OR4K17: variants seen among roughly 807,000 people sequenced by gnomAD.
OR4K17 encodes the protein olfactory receptor 4K17.
For missense variants in OR4K17, 480 were observed against 366.3 expected (o/e 1.31, Z -2.53); for synonymous variants, 157 against 132.8 (o/e 1.18, Z -1.25).
At position 20,119,751 on chromosome 14, in the gene OR4K17, T is replaced by C. The variant is rs1270021025; in HGVS notation, c.*1313T>C. The C allele has an allele frequency of 1.3e-5, 2 of 152,144 alleles. No individual in the cohort carries two copies. Among genetic ancestry groups the C allele is most frequent in the Non-Finnish European group, 2.9e-5 (2 of 68,062 alleles). 9.4% of individuals were successfully genotyped at this position (152,144 alleles called of 1,614,324 possible). A position where few individuals can be genotyped will look rare whatever the true frequency, so the allele number is the denominator to read the frequency against. On this transcript the variant is annotated 3_prime_UTR_variant, in exon 2 of 2. Coordinates refer to ENST00000641386, the MANE Select transcript of OR4K17 (RefSeq NM_001004715.5). ...TATTCAGGAGGCTGAGGCAGGAGAA[T>C]TGCTTGAACCCAGGAGGCAGAGGCT...
intron 1 of OR4K17, among the ~76,000 whole-genome samples, chr14:20,113,236 G>A (rs1877918987): frequency 6.6e-6 from 1 of 152,046 alleles, no homozygotes. Flanking sequence ...CAATGTCTAA[G>A]TGTGATAATA....
Position 20,110,832 on chromosome 14 carries a change from G to C in OR4K17, c.-93G>C, listed in dbSNP as rs559333847. Reference sequence around the variant, plus strand: ...CTTCTATGGAACTATAAGTTGAGAAGGTGCATGCCCTTCTCGATATTGTCC... The same window carrying C: ...CTTCTATGGAACTATAAGTTGAGAACGTGCATGCCCTTCTCGATATTGTCC... On this transcript the variant is annotated 5_prime_UTR_variant, in exon 1 of 2. Transcript: ENST00000641386. The C allele has an allele frequency of 2.6e-5, 4 of 151,948 alleles. No individual in the cohort carries two copies. The highest frequency in any genetic ancestry group is 5.9e-5 in the Non-Finnish European group (4 of 67,952). 9.4% of individuals were successfully genotyped at this position (151,948 alleles called of 1,614,324 possible).
At position 20,118,964 on chromosome 14, in the gene OR4K17, G is replaced by A. The variant is rs777979131; in HGVS notation, c.*526G>A. On this transcript the variant is annotated 3_prime_UTR_variant, in exon 2 of 2. Coordinates refer to ENST00000641386, the MANE Select transcript of OR4K17 (RefSeq NM_001004715.5). The stretch of plus-strand genomic sequence containing the variant: ...ATTTCCTCACCCTAATAGGCCTGGG[G>A]ACACTACAGGAGACTGGGGCTTATT... 1 of 154,272 alleles carries A rather than the reference G, an allele frequency of 6.5e-6. No individual in the cohort carries two copies. The highest frequency in any genetic ancestry group is 2.0e-4 in the South Asian group (1 of 4,934). 9.6% of individuals were successfully genotyped at this position (154,272 alleles called of 1,614,324 possible).
At chr14:20,114,142 C>T (rs955442527) in intron 1 of OR4K17, among the ~76,000 whole-genome samples, 2 of 151,788 alleles carry the variant, frequency 1.3e-5, no homozygotes, top group South Asian at 2.1e-4. Flanking sequence ...TATTGGTACT[C>T]TCAGGTTAGA....
rs1273297275 is a variant in OR4K17 at position 20,118,787 on chromosome 14, G to A, written c.*349G>A. On this transcript the variant is annotated 3_prime_UTR_variant, in exon 2 of 2. Transcript: ENST00000641386. ...GGCAATAAAATATCACAAGGCAAAT[G>A]GGGACAGAGCAAGATCACAGGACCA... The A allele has an allele frequency of 5.6e-6, 1 of 179,734 alleles. No homozygotes were observed. The highest frequency in any genetic ancestry group is 1.2e-5 in the Non-Finnish European group (1 of 85,750). 11.1% of individuals were successfully genotyped at this position (179,734 alleles called of 1,614,324 possible). A position where few individuals can be genotyped will look rare whatever the true frequency, so the allele number is the denominator to read the frequency against.
At chr14:20,113,641 A>G (rs1433869552) in intron 1 of OR4K17, among the ~76,000 whole-genome samples, 2 of 152,042 alleles carry the variant, frequency 1.3e-5, no homozygotes, top group African/African-American at 4.8e-5. Flanking sequence ...AAAAGTAATG[A>G]CCAGTGGACT....
At chr14:20,113,656 TG>T (rs1877927798) in intron 1 of OR4K17, among the ~76,000 whole-genome samples, 1 of 152,018 alleles carries the variant, frequency 6.6e-6, no homozygotes, top group South Asian at 2.1e-4. Context: ...TGGACTATAA[TG>T]GTACAGAAAA....
In OR4K17 at chr14:20,120,491, G is replaced by A. The variant is rs550734217; in HGVS notation, c.*2053G>A. The A allele has an allele frequency of 6.6e-6, 1 of 152,288 alleles. No homozygotes were observed. Among genetic ancestry groups the A allele is most frequent in the South Asian group, 2.1e-4 (1 of 4,828 alleles). The allele number at this position is 152,288 out of a possible 1,614,324, so 9.4% of individuals were successfully genotyped here. On this transcript the variant is annotated 3_prime_UTR_variant, in exon 2 of 2. Transcript: ENST00000641386. ...GAACTCTAGTCCTAGAACCAAGATGGTTTTCTTGTGTGACTGTGTGCTGAG... is the reference window on the plus strand; with the variant it reads ...GAACTCTAGTCCTAGAACCAAGATGATTTTCTTGTGTGACTGTGTGCTGAG...
At chr14:20,112,468 G>A (rs187201240) in intron 1 of OR4K17, among the ~76,000 whole-genome samples, 82 of 152,222 alleles carry the variant, frequency 5.4e-4, no homozygotes, top group Non-Finnish European at 4.9e-4. Context: ...TGGAGTCAGT[G>A]TTCCATCCCT....
At position 20,119,109 on chromosome 14, in the gene OR4K17, G is replaced by A. The variant is rs201411797; in HGVS notation, c.*671G>A. 2.6e-5 allele frequency: 4 copies of A among 152,172 alleles called. No individual in the cohort carries two copies. Among genetic ancestry groups the A allele is most frequent in the South Asian group, 2.1e-4 (1 of 4,822 alleles). The allele number at this position is 152,172 out of a possible 1,614,324, so 9.4% of individuals were successfully genotyped here. On this transcript the variant is annotated 3_prime_UTR_variant, in exon 2 of 2. Transcript: ENST00000641386. ...TCCTTGCTGAGAAAAAGAATTCAGCGATATTTCTCCTATTCACTTTTGTAA... is the reference window on the plus strand; with the variant it reads ...TCCTTGCTGAGAAAAAGAATTCAGCAATATTTCTCCTATTCACTTTTGTAA...
chr14:20,117,434 C>T (rs759186612), intron 1 of OR4K17, 34 bp from the exon 2 acceptor site: 2 of 1,605,294 alleles, frequency 1.2e-6, no homozygotes, highest in South Asian at 2.2e-5. Context: ...ACTCATACTC[C>T]ATGGTATGAG....
At position 20,117,890 on chromosome 14, in the gene OR4K17, C is replaced by T; in HGVS notation, c.391C>T (p.His131Tyr). The T allele has an allele frequency of 6.2e-7, 1 of 1,614,060 alleles. No individual in the cohort carries two copies. The highest frequency in any genetic ancestry group is 8.5e-7 in the Non-Finnish European group (1 of 1,180,002). ...DRYVAICKPL[H>Y]YMTIMNKKVC... ...ATATGTGGCCATTTGTAAGCCCCTA[C>T]ACTACATGACCATCATGAACAAGAA... Residue 131 changes from histidine to tyrosine, a missense_variant, in exon 2 of 2, where the codon CAC becomes TAC. Physicochemically the swap from His to Tyr is moderately conservative, Grantham distance 83 (BLOSUM62 2). Coordinates refer to ENST00000641386, the MANE Select transcript of OR4K17 (RefSeq NM_001004715.5).
rs1251229790 is a variant in OR4K17, at chr14:20,110,796, G to A, written c.-129G>A. The A allele has an allele frequency of 6.6e-6, 1 of 151,978 alleles. No individual in the cohort carries two copies. The highest frequency in any genetic ancestry group is 1.5e-5 in the Non-Finnish European group (1 of 67,950). The allele number at this position is 151,978 out of a possible 1,614,324, so 9.4% of individuals were successfully genotyped here. A position where few individuals can be genotyped will look rare whatever the true frequency, so the allele number is the denominator to read the frequency against. Reference sequence around the variant, plus strand: ...CCCTGATTGGAGTCTAGATACTTTAGTGACTTGTTTCTTCTATGGAACTAT... The same window carrying A: ...CCCTGATTGGAGTCTAGATACTTTAATGACTTGTTTCTTCTATGGAACTAT... On this transcript the variant is annotated 5_prime_UTR_variant, in exon 1 of 2. In the 5' UTR this introduces an upstream ATG that the reference lacks. Transcript: ENST00000641386.
chr14:20,114,033 G>A lies in OR4K17; in HGVS notation c.-33+3141G>A, dbSNP rs367653105. On this transcript the variant is annotated intron_variant, in intron 1 of 1. Coordinates refer to ENST00000641386, the MANE Select transcript of OR4K17 (RefSeq NM_001004715.5). ...AAATGTGCAGAGTTGATGCAGCTTG[G>A]TTGGAGAACATAGCTCTGTCTCTGT... Among the ~76,000 whole-genome samples the A allele has an allele frequency of 3.9e-5, 6 of 151,928 alleles. No individual in the cohort carries two copies. The South Asian group carries it at 1.2e-3, about 31-fold the overall frequency.
Position 20,117,763 on chromosome 14 carries a change from G to A in OR4K17, c.264G>A (p.Lys88=). ...AGGTGATTCTGAACTTGTTAAAAAAGCAGAAGGTAATTTCTTTTGCTGGGT... is the reference window on the plus strand; with the variant it reads ...AGGTGATTCTGAACTTGTTAAAAAAACAGAAGGTAATTTCTTTTGCTGGGT... ...TPKVILNLLK[K]QKVISFAGCF... is the part of the protein sequence containing the mutation. The change falls in exon 2 of 2, where the codon AAG becomes AAA. Residue 88 remains lysine, a synonymous_variant. Coordinates refer to ENST00000641386, the MANE Select transcript of OR4K17 (RefSeq NM_001004715.5). The A allele has an allele frequency of 2.5e-6, 4 of 1,614,050 alleles. No homozygotes were observed. Among genetic ancestry groups the A allele is most frequent in the Non-Finnish European group, 2.5e-6 (3 of 1,179,990 alleles).
At position 20,121,073 on chromosome 14, in the gene OR4K17, C is replaced by T. The variant is rs1878155835; in HGVS notation, c.*2635C>T. Reference sequence around the variant, plus strand: ...GCAGTTGTGTTTTACTCAACCAATCCCCTCACACCTCCATACAGGGGAAGT... The same window carrying T: ...GCAGTTGTGTTTTACTCAACCAATCTCCTCACACCTCCATACAGGGGAAGT... On this transcript the variant is annotated 3_prime_UTR_variant, in exon 2 of 2. Transcript: ENST00000641386. 6.6e-6 allele frequency: 1 copy of T among 152,142 alleles called. No homozygotes were observed. The highest frequency in any genetic ancestry group is 1.5e-5 in the Non-Finnish European group (1 of 68,044). 9.4% of individuals were successfully genotyped at this position (152,142 alleles called of 1,614,324 possible).
chr14:20,111,757 A>G (rs10047924), intron 1 of OR4K17, among the ~76,000 whole-genome samples: 4,736 of 152,134 alleles, frequency 0.031, 110 homozygotes, highest in South Asian at 0.062. Context: ...ATGCCAAACA[A>G]AAAAGTAGAG....
rs1878126225 is a variant in OR4K17 at position 20,120,078 on chromosome 14, G to A, written c.*1640G>A. 1 of 152,132 alleles carries A rather than the reference G, an allele frequency of 6.6e-6. No individual in the cohort carries two copies. Among genetic ancestry groups the A allele is most frequent in the Admixed American group, 6.5e-5 (1 of 15,268 alleles). 9.4% of individuals were successfully genotyped at this position (152,132 alleles called of 1,614,324 possible). A position where few individuals can be genotyped will look rare whatever the true frequency, so the allele number is the denominator to read the frequency against. Reference sequence around the variant, plus strand: ...ACTTGTCCTTCAGAGGAGCTTGATAGATATGTACTTTGTTTAGTTGTTACA... The same window carrying A: ...ACTTGTCCTTCAGAGGAGCTTGATAAATATGTACTTTGTTTAGTTGTTACA... On this transcript the variant is annotated 3_prime_UTR_variant, in exon 2 of 2. Coordinates refer to ENST00000641386, the MANE Select transcript of OR4K17 (RefSeq NM_001004715.5).
chr14:20,117,733 C>A lies in OR4K17; in HGVS notation c.234C>A (p.Thr78=). 6.2e-7 allele frequency: 1 copy of A among 1,613,972 alleles called. No individual in the cohort carries two copies. The highest frequency in any genetic ancestry group is 1.1e-5 in the South Asian group (1 of 91,076). Residue 78 remains threonine, a synonymous_variant, in exon 2 of 2, where the codon ACC becomes ACA. Coordinates refer to ENST00000641386, the MANE Select transcript of OR4K17 (RefSeq NM_001004715.5). ...FVDMTLASFA[T]PKVILNLLKK... ...ATATGACCCTTGCTTCTTTTGCCAC[C>A]CCTAAGGTGATTCTGAACTTGTTAA...
Sources: allele counts gnomAD v4.1 joint callset (sites outside exome capture counted in the v4.1 genomes callset), GRCh38; gene constraint gnomAD v4.1.1; transcripts MANE v1.5; gene names NCBI Gene and HGNC (gene_info 2026-07-23, HGNC 2026-07-21).